Variants in CCDC171 observed in about 807,000 individuals in gnomAD.
The protein encoded by CCDC171 is coiled-coil domain-containing protein 171.
Under a neutral mutation model 168.2 loss-of-function variants are expected in CCDC171, and 177 were observed. The ratio of observed to expected loss-of-function variants is 1.05; its 90% CI spans 0.93 to 1.19. CCDC171 has a LOEUF of 1.19. Among genes scored for constraint, CCDC171 ranks in the 50% most tolerant of loss-of-function variants. The pLI is 0.00. For synonymous variants in CCDC171, 687 were observed against 540.8 expected (o/e 1.27, Z -3.75); for missense variants, 1,991 against 1,539.0 (o/e 1.29, Z -4.91).
the CCDC171 span, among the ~76,000 whole-genome samples, chr9:16,075,388 C>G: frequency 9.2e-5 from 14 of 152,148 alleles, no homozygotes; most frequent in African/African-American, 2.9e-4. Context: ...AATCGCTTGT[C>G]TCTCTGAATA....
rs553583320 is a variant in CCDC171 at position 15,857,947 on chromosome 9, G to A, written c.3468+9000G>A. Among the ~76,000 whole-genome samples the A allele has an allele frequency of 5.1e-3, 768 of 151,508 alleles. 6 individuals carry two copies. Among genetic ancestry groups the A allele is most frequent in the African/African-American group, 0.018 (752 of 41,090 alleles). On this transcript the variant is annotated intron_variant, in intron 23 of 25. Coordinates refer to ENST00000380701, the MANE Select transcript of CCDC171 (RefSeq NM_173550.4). ...TACTATAGTTTTGATATATATATATGTATATATGCATATGTGTGTATATAT... is the reference window on the plus strand; with the variant it reads ...TACTATAGTTTTGATATATATATATATATATATGCATATGTGTGTATATAT...
intron 7 of CCDC171, among the ~76,000 whole-genome samples, chr9:15,635,775 G>A (rs1359927378): frequency 6.6e-6 from 1 of 152,154 alleles, no homozygotes; most frequent in Non-Finnish European, 1.5e-5. Flanking sequence ...TTTTTGTGTG[G>A]ATATGTTTTC....
At chr9:15,793,427 A>C (rs1011914483) in intron 21 of CCDC171, among the ~76,000 whole-genome samples, 11 of 152,246 alleles carry the variant, frequency 7.2e-5, no homozygotes, top group South Asian at 4.2e-4. Flanking sequence ...AGAAAGTTAA[A>C]AAGGATATCC....
chr9:16,040,014 C>CCCTT (rs1833547421), upstream of CCDC171, among the ~76,000 whole-genome samples: 2 of 152,152 alleles, frequency 1.3e-5, no homozygotes, highest in Non-Finnish European at 2.9e-5. Flanking sequence ...GACACTGGAA[C>CCCTT]CTTTCAGAAT....
intron 24 of CCDC171, among the ~76,000 whole-genome samples, chr9:15,887,258 A>C (rs896326785): frequency 1.3e-5 from 2 of 152,188 alleles, no homozygotes; most frequent in Admixed American, 6.6e-5. Flanking sequence ...TTGTCAAAAA[A>C]ATATTTCATT....
intron 11 of CCDC171, among the ~76,000 whole-genome samples, chr9:15,712,745 C>G (rs1056229598): frequency 2.6e-5 from 4 of 152,154 alleles, no homozygotes; most frequent in African/African-American, 9.7e-5. Flanking sequence ...ATCATGGTCT[C>G]AGTGTTTGTT....
chr9:16,089,139 G>A, the CCDC171 span, among the ~76,000 whole-genome samples: 1 of 152,032 alleles, frequency 6.6e-6, no homozygotes, highest in African/African-American at 2.4e-5. Context: ...AAATGGTGTT[G>A]GGAAAACTGG....
At chr9:15,903,252 C>G (rs7043077) in intron 24 of CCDC171, among the ~76,000 whole-genome samples, 83,768 of 151,942 alleles carry the variant, frequency 0.55, 23,283 homozygotes, top group East Asian at 0.81. Flanking sequence ...GTCCCTGACC[C>G]CCGAGTAGCC....
chr9:15,936,358 A>C (rs535140731), intron 25 of CCDC171, among the ~76,000 whole-genome samples: 2 of 152,144 alleles, frequency 1.3e-5, no homozygotes, highest in South Asian at 4.2e-4. Context: ...TTCTCTGGAC[A>C]GTTTTAAGAG....
At chr9:16,022,817 C>T (rs569408603) in exon 6 of CCDC171, 5 of 152,336 alleles carry the variant, frequency 3.3e-5, no homozygotes, top group African/African-American at 9.6e-5. Flanking sequence ...TCCCACCAGC[C>T]GAGTCATTTG....
chr9:15,878,637 C>T (rs1818181294), intron 24 of CCDC171, among the ~76,000 whole-genome samples: 1 of 152,014 alleles, frequency 6.6e-6, no homozygotes, highest in African/African-American at 2.4e-5. Context: ...AGTATGTACC[C>T]AAAGGAAAAC....
chr9:15,995,748 C>G (rs928359007), intron 3 of CCDC171, among the ~76,000 whole-genome samples: 10 of 152,338 alleles, frequency 6.6e-5, no homozygotes, highest in Admixed American at 5.2e-4. Context: ...AAACTTAACA[C>G]TGTGTGTTTT....
intron 18 of CCDC171, among the ~76,000 whole-genome samples, chr9:15,766,758 G>A (rs181408879): frequency 5.3e-5 from 8 of 152,078 alleles, no homozygotes; most frequent in African/African-American, 1.9e-4. Flanking sequence ...TGGGCCCAAG[G>A]GATCCTCCTG....
At chr9:15,745,227 C>T (rs1376276599) in intron 17 of CCDC171, among the ~76,000 whole-genome samples, 2 of 152,116 alleles carry the variant, frequency 1.3e-5, no homozygotes, top group Non-Finnish European at 2.9e-5. Flanking sequence ...GTTTTGAATG[C>T]ATAACTATTT....
At chr9:15,563,841 T>A (rs983200374) in intron 1 of CCDC171, 137 bp from the exon 2 acceptor site, 1 of 393,374 alleles carries the variant, frequency 2.5e-6, no homozygotes, top group Non-Finnish European at 4.5e-6. Context: ...GGTGATCTTC[T>A]GAGGTCTAGA....
intron 10 of CCDC171, among the ~76,000 whole-genome samples, chr9:15,680,186 C>T (rs182277704): frequency 6.6e-6 from 1 of 152,310 alleles, no homozygotes; most frequent in Admixed American, 6.5e-5. Flanking sequence ...CTAGATTCCA[C>T]TATAGTACTT....
chr9:15,957,225 T>C (rs911306037), intron 25 of CCDC171, among the ~76,000 whole-genome samples: 3 of 152,132 alleles, frequency 2.0e-5, no homozygotes, highest in Admixed American at 1.3e-4. Context: ...CCACCTATTA[T>C]GAAGCTTTTT....
chr9:15,561,335 T>C (rs931763388), intron 1 of CCDC171, among the ~76,000 whole-genome samples: 2 of 152,174 alleles, frequency 1.3e-5, no homozygotes, highest in Non-Finnish European at 1.5e-5. Context: ...TAATGATCAA[T>C]TGAATGTTTT....
downstream of CCDC171, among the ~76,000 whole-genome samples, chr9:16,064,797 A>G (rs935157432): frequency 6.6e-6 from 1 of 152,200 alleles, no homozygotes; most frequent in African/African-American, 2.4e-5. Context: ...TTGTTTCTGT[A>G]TACCACAAAA....
Sources: allele counts gnomAD v4.1 joint callset (sites outside exome capture counted in the v4.1 genomes callset), GRCh38; gene constraint gnomAD v4.1.1; transcripts MANE v1.5; gene names NCBI Gene and HGNC (gene_info 2026-07-23, HGNC 2026-07-21).